C5orf34: variants seen among roughly 807,000 people sequenced by gnomAD.
C5orf34 encodes chromosome 5 open reading frame 34, also known as uncharacterized protein C5orf34.
Under a neutral mutation model 78.4 loss-of-function variants are expected in C5orf34, and 73 were observed. The ratio of observed to expected loss-of-function variants is 0.93; its 90% CI spans 0.77 to 1.13. The LOEUF is 1.13. Among genes scored for constraint, C5orf34 ranks in the 50% most tolerant of loss-of-function variants. The pLI is 0.00. For missense variants in C5orf34, 730 were observed against 732.7 expected, an observed-to-expected ratio of 1.00 and a Z score of 0.04; for synonymous variants, 251 against 246.6, an observed-to-expected ratio of 1.02 and a Z score of -0.17.
In C5orf34 at chr5:43,509,182, A is replaced by C. The variant is rs767438422; in HGVS notation, c.158T>G (p.Ile53Ser). 9.9e-6 allele frequency: 16 copies of C among 1,613,666 alleles called. No homozygotes were observed. The highest frequency in any genetic ancestry group is 4.0e-5 in the African/African-American group (3 of 74,912). Residue 53 changes from isoleucine to serine, a missense_variant, in exon 2 of 13, where the codon ATT (isoleucine) becomes AGT (serine). Ile to Ser is a moderately radical substitution (Grantham distance 142). Transcript: ENST00000306862. ...SAHPLEQPER[I>S]RQRTHFVIST... Reference sequence around the variant, plus strand: ...AATGACAAAATGTGTCCTTTGACGAATTCTTTCTGGTTGTTCTAAAGGATG... The same window carrying C: ...AATGACAAAATGTGTCCTTTGACGACTTCTTTCTGGTTGTTCTAAAGGATG...
chr5:43,503,927 C>A (rs1745872867), intron 4 of C5orf34, among the ~76,000 whole-genome samples, 167 bp from the exon 5 acceptor site: 1 of 152,040 alleles, frequency 6.6e-6, no homozygotes, highest in African/African-American at 2.4e-5. Flanking sequence ...AAAAGCAAGT[C>A]TTTTTCCATG....
intron 2 of C5orf34, 86 bp from the exon 3 acceptor site, chr5:43,508,752 C>G: frequency 1.2e-6 from 1 of 856,186 alleles, no homozygotes; most frequent in South Asian, 1.5e-5. Context: ...ATCCATAATA[C>G]TAATTACTTT....
intron 3 of C5orf34, among the ~76,000 whole-genome samples, chr5:43,507,313 T>C (rs1297175874): frequency 6.6e-6 from 1 of 152,220 alleles, no homozygotes; most frequent in Non-Finnish European, 1.5e-5. Flanking sequence ...TGTAAAATCT[T>C]ACGTTTACAC....
At chr5:43,504,617 G>C (rs1745902941) in intron 4 of C5orf34, among the ~76,000 whole-genome samples, 1 of 152,168 alleles carries the variant, frequency 6.6e-6, no homozygotes, top group Admixed American at 6.5e-5. Flanking sequence ...TGGTCACAGA[G>C]TGCTTGAGCA....
chr5:43,506,821 T>TA (rs907310526), intron 3 of C5orf34, among the ~76,000 whole-genome samples: 114 of 144,190 alleles, frequency 7.9e-4, no homozygotes, highest in Non-Finnish European at 1.1e-3. Context: ...AAGTTTTAAA[T>TA]AAAAAAAAAA....
chr5:43,498,539 C>T (rs944277218), intron 6 of C5orf34, among the ~76,000 whole-genome samples: 1 of 152,160 alleles, frequency 6.6e-6, no homozygotes, highest in Non-Finnish European at 1.5e-5. Context: ...CACACAGTAC[C>T]GGGCACCACC....
At chr5:43,508,950 C>T (rs1746104978) in intron 2 of C5orf34, among the ~76,000 whole-genome samples, 195 bp downstream of exon 2, 1 of 152,058 alleles carries the variant, frequency 6.6e-6, no homozygotes, top group African/African-American at 2.4e-5. Context: ...AAAAATTAGC[C>T]AGATGTGGTA....
At position 43,487,896 on chromosome 5, in the gene C5orf34, G is replaced by A; in HGVS notation, c.1720+13C>T. ...GTAATTATGTAGGACAGTGCATTCTGTTTAAAGGATACAGTTAAACTTCTG... is the reference window on the plus strand; with the variant it reads ...GTAATTATGTAGGACAGTGCATTCTATTTAAAGGATACAGTTAAACTTCTG... On this transcript the variant is annotated intron_variant, in intron 12 of 12. Coordinates refer to ENST00000306862, the MANE Select transcript of C5orf34 (RefSeq NM_198566.4). 1 of 1,592,596 alleles carries A rather than the reference G, an allele frequency of 6.3e-7. No individual in the cohort carries two copies. The highest frequency in any genetic ancestry group is 8.6e-7 in the Non-Finnish European group (1 of 1,163,384).
At chr5:43,510,694 C>T (rs1016255525) in intron 1 of C5orf34, among the ~76,000 whole-genome samples, 3 of 152,264 alleles carry the variant, frequency 2.0e-5, no homozygotes, top group East Asian at 1.9e-4. Context: ...CTGCCAGCCT[C>T]GGCCTCCCGA....
intron 7 of C5orf34, 116 bp downstream of exon 7, chr5:43,494,394 G>T: frequency 1.9e-6 from 1 of 539,226 alleles, no homozygotes; most frequent in African/African-American, 2.0e-5. Flanking sequence ...AAATTTTACC[G>T]AAGGCATATA....
Position 43,497,021 on chromosome 5 carries a change from T to C in C5orf34, c.1153-2420A>G, listed in dbSNP as rs1465124319. ...AGACAAAAAGACATGGATATATAGA[T>C]TTAAAAAAACTATTTTAATTGAATG... On this transcript the variant is annotated intron_variant, in intron 6 of 12. Coordinates refer to ENST00000306862, the MANE Select transcript of C5orf34 (RefSeq NM_198566.4). Among the ~76,000 whole-genome samples the C allele has an allele frequency of 3.9e-5, 6 of 152,164 alleles. No individual in the cohort carries two copies. The East Asian group carries it at 1.2e-3, about 29-fold the overall frequency.
In C5orf34 at chr5:43,492,320, A is replaced by T; in HGVS notation, c.1486-11T>A. The T allele has an allele frequency of 6.5e-7, 1 of 1,536,832 alleles. No individual in the cohort carries two copies. The highest frequency in any genetic ancestry group is 9.0e-7 in the Non-Finnish European group (1 of 1,117,026). On this transcript the variant is annotated splice_polypyrimidine_tract_variant and intron_variant, in intron 9 of 12. Coordinates refer to ENST00000306862, the MANE Select transcript of C5orf34 (RefSeq NM_198566.4). ...AAGACCTTGATTTACCTGAAGAAGT[A>T]GAAAGATAAGTTTTATCATTTTAGA...
intron 4 of C5orf34, chr5:43,505,460 C>T: frequency 3.1e-6 from 1 of 323,140 alleles, no homozygotes; most frequent in Non-Finnish European, 5.6e-6. Flanking sequence ...GTGACCTTCA[C>T]TAGATTCTAA....
At chr5:43,490,563 A>G (rs1745239065) in intron 11 of C5orf34, 68 bp downstream of exon 11, 2 of 1,024,234 alleles carry the variant, frequency 2.0e-6, no homozygotes, top group South Asian at 1.4e-5. Context: ...TCAGTTTACC[A>G]TTTGACATTT....
chr5:43,506,475 G>A (rs1012886281), intron 3 of C5orf34, 81 bp from the exon 4 acceptor site: 1 of 1,349,382 alleles, frequency 7.4e-7, no homozygotes, highest in Non-Finnish European at 9.9e-7. Flanking sequence ...TTTAAGTATT[G>A]TGTAAGAAAG....
At chr5:43,495,434 G>T in intron 6 of C5orf34, 1 of 1,609,532 alleles carries the variant, frequency 6.2e-7, no homozygotes, top group South Asian at 1.1e-5. Flanking sequence ...AATTACCTGA[G>T]CAATGAAGTC....
chr5:43,509,759 T>C (rs1190965711), intron 1 of C5orf34, among the ~76,000 whole-genome samples: 1 of 152,020 alleles, frequency 6.6e-6, no homozygotes. Context: ...CTTTTTGTTT[T>C]TTTTGTTTTT....
chr5:43,490,716 C>G lies in C5orf34; in HGVS notation c.1594G>C (p.Val532Leu). 1 of 1,591,380 alleles carries G rather than the reference C, an allele frequency of 6.3e-7. No individual in the cohort carries two copies. Among genetic ancestry groups the G allele is most frequent in the Non-Finnish European group, 8.6e-7 (1 of 1,160,318 alleles). ...GTCAGTCTCCTGCACCATGATGTTA[C>G]TGTTGTCACATATCTAAAGTGAATA... ...PEPYERYVTT[V>L]TSWCRRLTQT... The change falls in exon 11 of 13, where the codon GTA becomes CTA. Residue 532 changes from valine to leucine, a missense_variant. Coordinates refer to ENST00000306862, the MANE Select transcript of C5orf34 (RefSeq NM_198566.4).
chr5:43,496,542 A>C, intron 6 of C5orf34: 1 of 1,096,088 alleles, frequency 9.1e-7, no homozygotes, highest in Non-Finnish European at 1.3e-6. Context: ...CATTTTTTAA[A>C]AATATAGAAT....
Sources: gnomAD v4.1 joint callset for allele counts (sites outside exome capture counted in the v4.1 genomes callset) on GRCh38, gnomAD v4.1.1 for gene constraint, MANE v1.5 for transcripts, NCBI Gene and HGNC (gene_info 2026-07-23, HGNC 2026-07-21) for gene names.